The following NAALADL2 variants were observed in gnomAD, a reference collection of about 807,000 sequenced individuals.
The protein encoded by NAALADL2 is N-acetylated alpha-linked acidic dipeptidase like 2.
A neutral mutation model predicts 87.2 loss-of-function variants in NAALADL2; 76 were observed. The ratio of observed to expected loss-of-function variants is 0.87; its 90% CI spans 0.72 to 1.05. NAALADL2 has a LOEUF of 1.05. Among genes scored for constraint, NAALADL2 ranks in the 50% least tolerant of loss-of-function variants. The probability of loss-of-function intolerance (pLI) is 0.00; values close to 1 mark genes in which losing one functional copy is unlikely to be tolerated. For synonymous variants in NAALADL2, 354 were observed against 331.0 expected, an observed-to-expected ratio of 1.07 and a Z score of -0.75; for missense variants, 1,089 against 945.8, an observed-to-expected ratio of 1.15 and a Z score of -1.99.
chr3:175,317,216 G>A (rs1226588084), intron 4 of NAALADL2, among the ~76,000 whole-genome samples: 1 of 152,166 alleles, frequency 6.6e-6, no homozygotes, highest in East Asian at 1.9e-4. Context: ...GGCAATTCTA[G>A]CTTGATACTT....
chr3:174,538,718 A>G (rs549120377), intron 1 of NAALADL2, among the ~76,000 whole-genome samples: 16 of 152,276 alleles, frequency 1.1e-4, no homozygotes, highest in African/African-American at 3.9e-4. Flanking sequence ...CTTGGTCTCT[A>G]TAACCCCTTA....
chr3:174,999,867 A>G (rs1294257799), intron 1 of NAALADL2, among the ~76,000 whole-genome samples: 1 of 152,174 alleles, frequency 6.6e-6, no homozygotes, highest in Non-Finnish European at 1.5e-5. Flanking sequence ...GGGCTTTATT[A>G]GACTTTGCAG....
chr3:175,526,158 C>T (rs1214267188), intron 9 of NAALADL2, among the ~76,000 whole-genome samples: 2 of 152,216 alleles, frequency 1.3e-5, no homozygotes, highest in Non-Finnish European at 2.9e-5. Flanking sequence ...GCTGTTTTTG[C>T]AGTAGCAACT....
intron 3 of NAALADL2, among the ~76,000 whole-genome samples, chr3:174,840,703 C>T (rs1288352294): frequency 6.6e-6 from 1 of 151,980 alleles, no homozygotes; most frequent in African/African-American, 2.4e-5. Context: ...TTGAAAAATC[C>T]ATCCAGAGAA....
At chr3:175,370,500 G>C (rs1478032066) in intron 5 of NAALADL2, among the ~76,000 whole-genome samples, 2 of 148,492 alleles carry the variant, frequency 1.3e-5, no homozygotes, top group East Asian at 3.9e-4. Context: ...GCCAATATAT[G>C]GGGGGGGGAG....
At chr3:175,477,795 G>T (rs1725916176) in intron 9 of NAALADL2, among the ~76,000 whole-genome samples, 1 of 92,452 alleles carries the variant, frequency 1.1e-5, no homozygotes, top group Non-Finnish European at 2.6e-5. Flanking sequence ...GCCATTCAAG[G>T]GTTTTTGTTG....
intron 1 of NAALADL2, among the ~76,000 whole-genome samples, chr3:174,988,277 TA>T (rs1397929875): frequency 6.6e-6 from 1 of 152,208 alleles, no homozygotes; most frequent in Non-Finnish European, 1.5e-5. Flanking sequence ...AGTTAAGCTT[TA>T]ATTTACCCAG....
At chr3:175,351,551 GA>G (rs1763777309) in intron 5 of NAALADL2, among the ~76,000 whole-genome samples, 1 of 151,914 alleles carries the variant, frequency 6.6e-6, no homozygotes, top group Non-Finnish European at 1.5e-5. Context: ...TTGGACAATA[GA>G]AGATAGACAG....
At chr3:174,482,539 T>G (rs763296217) in intron 1 of NAALADL2, among the ~76,000 whole-genome samples, 17 of 152,062 alleles carry the variant, frequency 1.1e-4, no homozygotes, top group Admixed American at 5.9e-4. Context: ...AATATGAACA[T>G]GTTCCTTATT....
chr3:175,104,009 C>T (rs1387131122), intron 2 of NAALADL2, among the ~76,000 whole-genome samples: 1 of 152,170 alleles, frequency 6.6e-6, no homozygotes, highest in East Asian at 1.9e-4. Flanking sequence ...ACCTGGGCTG[C>T]TTTCCTGTCC....
At chr3:175,635,199 A>G (rs1728342441) in intron 11 of NAALADL2, among the ~76,000 whole-genome samples, 1 of 152,092 alleles carries the variant, frequency 6.6e-6, no homozygotes, top group Non-Finnish European at 1.5e-5. Flanking sequence ...TTGTAAAGAC[A>G]CGCCTTATAC....
chr3:175,268,805 C>T (rs1382198755), intron 4 of NAALADL2, among the ~76,000 whole-genome samples: 4 of 152,158 alleles, frequency 2.6e-5, no homozygotes, highest in Admixed American at 1.3e-4. Flanking sequence ...TGTCTTCCAC[C>T]TCCATGTCTT....
chr3:174,956,813 G>T (rs1469520525), intron 1 of NAALADL2, among the ~76,000 whole-genome samples: 2 of 151,962 alleles, frequency 1.3e-5, no homozygotes, highest in Non-Finnish European at 2.9e-5. Flanking sequence ...GCGTCAGCAG[G>T]CATAGGTGCA....
rs191847672 is a variant in NAALADL2, at chr3:175,186,578, C to A, written c.546-47353C>A. Among the ~76,000 whole-genome samples, 27 of 152,144 alleles carry A rather than the reference C, an allele frequency of 1.8e-4. No homozygotes were observed. In the East Asian group the frequency reaches 5.2e-3, roughly 29 times the overall value. On this transcript the variant is annotated intron_variant, in intron 2 of 13. Transcript: ENST00000454872. The stretch of plus-strand genomic sequence containing the variant: ...ATAGAAAGAGATAAAGAGATTTACA[C>A]CTAAAGAGGTAAACTGTTTCTTTGT...
chr3:174,898,112 C>CAAAAAAAAAAAAAAAAAAAAA (rs913382744), intron 1 of NAALADL2, among the ~76,000 whole-genome samples: 2 of 14,496 alleles, frequency 1.4e-4, no homozygotes, highest in Non-Finnish European at 2.4e-4. Context: ...GACTCCGTCT[C>CAAAAAAAAAAAAAAAAAAAAA]AAAAAAAAAA....
chr3:174,546,068 G>C (rs1055529242), intron 1 of NAALADL2, among the ~76,000 whole-genome samples: 2 of 151,490 alleles, frequency 1.3e-5, no homozygotes, highest in African/African-American at 4.8e-5. Context: ...CTAATTTTAA[G>C]AATGAAACAC....
In NAALADL2 at chr3:175,240,282, T is replaced by A. The variant is rs576277406; in HGVS notation, c.819+6078T>A. Among the ~76,000 whole-genome samples the A allele has an allele frequency of 8.2e-4, 125 of 152,342 alleles. 1 individual carries two copies. The highest frequency in any genetic ancestry group is 2.9e-3 in the African/African-American group (119 of 41,580). On this transcript the variant is annotated intron_variant, in intron 3 of 13. Coordinates refer to ENST00000454872, the MANE Select transcript of NAALADL2 (RefSeq NM_207015.3). ...TGTCTTTGTGTGTAAAATATCAATATGTAGTGCCTTAACGTATGAAATCTG... is the reference window on the plus strand; with the variant it reads ...TGTCTTTGTGTGTAAAATATCAATAAGTAGTGCCTTAACGTATGAAATCTG...
At chr3:174,806,729 G>A (rs879600960) in intron 3 of NAALADL2, among the ~76,000 whole-genome samples, 8 of 152,180 alleles carry the variant, frequency 5.3e-5, no homozygotes, top group Non-Finnish European at 1.0e-4. Context: ...TTCTCAGGTT[G>A]TTGTGTATTG....
intron 13 of NAALADL2, among the ~76,000 whole-genome samples, chr3:175,791,688 T>C (rs1215906413): frequency 6.6e-6 from 1 of 152,182 alleles, no homozygotes; most frequent in Non-Finnish European, 1.5e-5. Context: ...CTAGTTTCCC[T>C]TGGTTACTGC....
Sources: gnomAD v4.1 joint callset for allele counts (sites outside exome capture counted in the v4.1 genomes callset) on GRCh38, gnomAD v4.1.1 for gene constraint, MANE v1.5 for transcripts, NCBI Gene and HGNC (gene_info 2026-07-23, HGNC 2026-07-21) for gene names.